ESR1: variants seen among roughly 807,000 people sequenced by gnomAD.
The protein encoded by ESR1 is estrogen receptor.
Under a neutral mutation model 52.7 loss-of-function variants are expected in ESR1, and 12 were observed. That is an observed-to-expected ratio of 0.23 (90% confidence interval 0.15 to 0.37). The LOEUF (loss-of-function observed/expected upper bound fraction) is 0.37. ESR1 is among the 10% of genes least tolerant of loss of function. The pLI, the probability that ESR1 is intolerant of heterozygous loss-of-function variation, is 1.00. For synonymous variants in ESR1, 305 were observed against 316.8 expected (o/e 0.96, Z 0.39); for missense variants, 584 against 779.7 (o/e 0.75, Z 2.99).
At chr6:151,945,633 G>A (rs2035615050) in intron 4 of ESR1, among the ~76,000 whole-genome samples, 1 of 152,224 alleles carries the variant, frequency 6.6e-6, no homozygotes, top group Admixed American at 6.5e-5. Flanking sequence ...TAGGTTAAAT[G>A]AGTGATAGAT....
Position 152,028,316 on chromosome 6 carries a change from G to A in ESR1, c.1235+16522G>A, listed in dbSNP as rs142900430. The stretch of plus-strand genomic sequence containing the variant: ...GTGGGTGCAGGACAGTGGGTGCAGC[G>A]CACCAAGCATGAGCCGAAGCAGAGC... On this transcript the variant is annotated intron_variant, in intron 5 of 7. Transcript: ENST00000206249. 5.5e-3 allele frequency among the ~76,000 whole-genome samples: 839 copies of A among 152,268 alleles called. 5 individuals carry two copies. Among genetic ancestry groups the A allele is most frequent in the East Asian group, 0.012 (61 of 5,150 alleles).
At chr6:151,688,001 G>T (rs776226395), upstream of ESR1, among the ~76,000 whole-genome samples, 3 of 152,096 alleles carry the variant, frequency 2.0e-5, no homozygotes, top group South Asian at 4.2e-4. Context: ...CATTTAAATT[G>T]TTGTTTTCTT....
At chr6:152,055,312 A>G (rs1046535815) in intron 5 of ESR1, among the ~76,000 whole-genome samples, 2 of 152,178 alleles carry the variant, frequency 1.3e-5, no homozygotes, top group African/African-American at 2.4e-5. Flanking sequence ...CAAGCACGCC[A>G]GGGTTCACTT....
intron 2 of ESR1, among the ~76,000 whole-genome samples, chr6:151,852,642 T>A (rs73780883): frequency 6.7e-6 from 1 of 150,332 alleles, no homozygotes; most frequent in African/African-American, 2.5e-5. Context: ...AGCAGGTGTT[T>A]TTTTTTTTTT....
intron 6 of ESR1, among the ~76,000 whole-genome samples, chr6:152,109,077 G>T (rs796926111): frequency 6.6e-6 from 1 of 151,970 alleles, no homozygotes; most frequent in East Asian, 1.9e-4. Context: ...GTGGGGAGGC[G>T]CTACACACTT....
chr6:151,856,065 T>A (rs916573625), intron 2 of ESR1, among the ~76,000 whole-genome samples: 1 of 152,230 alleles, frequency 6.6e-6, no homozygotes, highest in African/African-American at 2.4e-5. Flanking sequence ...TGTTTCACCA[T>A]CATTAGCAGT....
At chr6:152,060,575 A>G (rs1219505800) in intron 5 of ESR1, among the ~76,000 whole-genome samples, 1 of 152,222 alleles carries the variant, frequency 6.6e-6, no homozygotes, top group Non-Finnish European at 1.5e-5. Flanking sequence ...TTTGAAGGCT[A>G]TGAGCATCTT....
chr6:152,122,853 T>C (rs1286934927), intron 6 of ESR1, among the ~76,000 whole-genome samples: 1 of 152,142 alleles, frequency 6.6e-6, no homozygotes, highest in African/African-American at 2.4e-5. Flanking sequence ...AATGAGGTTG[T>C]TGGAAACTGC....
intron 6 of ESR1, among the ~76,000 whole-genome samples, chr6:152,087,778 A>G (rs2049858381): frequency 6.6e-6 from 1 of 152,240 alleles, no homozygotes; most frequent in Non-Finnish European, 1.5e-5. Context: ...TTTACATTTT[A>G]GTAGCCACAA....
At chr6:151,789,891 C>T (rs191321330) in intron 2 of ESR1, among the ~76,000 whole-genome samples, 1 of 152,226 alleles carries the variant, frequency 6.6e-6, no homozygotes, top group Non-Finnish European at 1.5e-5. Flanking sequence ...TTTCTACTCC[C>T]TACAAGGTTG....
intron 7 of ESR1, among the ~76,000 whole-genome samples, chr6:152,095,723 C>T (rs1290838385): frequency 6.6e-6 from 1 of 152,202 alleles, no homozygotes; most frequent in Non-Finnish European, 1.5e-5. Flanking sequence ...TTGCAGGAAG[C>T]ATCTCCTAAT....
Position 152,099,158 on chromosome 6 carries a change from G to A in ESR1, c.*192G>A, listed in dbSNP as rs2050869560. ...CATCTTCTGTCTTCTGTTGGGAACAGCCAAAGGGATTCCAAGGCTAAATCT... is the reference window on the plus strand; with the variant it reads ...CATCTTCTGTCTTCTGTTGGGAACAACCAAAGGGATTCCAAGGCTAAATCT... On this transcript the variant is annotated 3_prime_UTR_variant, in exon 8 of 8. Coordinates refer to ENST00000206249, the MANE Select transcript of ESR1 (RefSeq NM_000125.4). 1 of 622,022 alleles carries A rather than the reference G, an allele frequency of 1.6e-6. No homozygotes were observed. The highest frequency in any genetic ancestry group is 2.9e-6 in the Non-Finnish European group (1 of 343,790). The allele number at this position is 622,022 out of a possible 1,614,324, so 38.5% of individuals were successfully genotyped here.
chr6:151,882,784 C>T (rs868280154), intron 3 of ESR1, among the ~76,000 whole-genome samples: 5 of 151,494 alleles, frequency 3.3e-5, no homozygotes, highest in Admixed American at 1.3e-4. Context: ...TAATTAATAT[C>T]CAGATACGGT....
At chr6:151,921,549 C>T (rs774652276) in intron 3 of ESR1, among the ~76,000 whole-genome samples, 2 of 151,988 alleles carry the variant, frequency 1.3e-5, no homozygotes, top group South Asian at 2.1e-4. Flanking sequence ...ATTTACATTC[C>T]GACCAACAGT....
chr6:151,676,004 GAGGTAGAGTCA>G (rs1778238215), intron 1 of ESR1, among the ~76,000 whole-genome samples: 1 of 152,210 alleles, frequency 6.6e-6, no homozygotes, highest in Non-Finnish European at 1.5e-5. Context: ...AATGAGTTAC[GAGGTAGAGTCA>G]AGGTTTGGAC....
At chr6:151,885,791 G>T (rs752040216) in intron 3 of ESR1, among the ~76,000 whole-genome samples, 1 of 152,160 alleles carries the variant, frequency 6.6e-6, no homozygotes, top group African/African-American at 2.4e-5. Flanking sequence ...GTAGGCACAG[G>T]TTGCAGTGAG....
At chr6:151,762,147 A>G (rs1481989062) in intron 2 of ESR1, among the ~76,000 whole-genome samples, 1 of 152,188 alleles carries the variant, frequency 6.6e-6, no homozygotes, top group Non-Finnish European at 1.5e-5. Flanking sequence ...CACTTCTAAC[A>G]CCGCTTTCAG....
chr6:152,005,709 C>T (rs2042276616), intron 4 of ESR1, among the ~76,000 whole-genome samples: 2 of 151,982 alleles, frequency 1.3e-5, no homozygotes, highest in Admixed American at 1.3e-4. Context: ...GAAATGCTTT[C>T]AGAGATATTA....
At chr6:151,757,195 T>G (rs1222367584) in intron 2 of ESR1, among the ~76,000 whole-genome samples, 1 of 151,316 alleles carries the variant, frequency 6.6e-6, no homozygotes, top group Non-Finnish European at 1.5e-5. Flanking sequence ...AATACTCTGG[T>G]GCACACCTTT....
Sources: allele counts gnomAD v4.1 joint callset (sites outside exome capture counted in the v4.1 genomes callset), GRCh38; gene constraint gnomAD v4.1.1; transcripts MANE v1.5; gene names NCBI Gene and HGNC (gene_info 2026-07-23, HGNC 2026-07-21).